ASXL2: variants seen among roughly 807,000 people sequenced by gnomAD.
ASXL2 encodes the protein putative Polycomb group protein ASXL2.
A neutral mutation model predicts 122.0 loss-of-function variants in ASXL2; 23 were observed. That is an observed-to-expected ratio of 0.19 (90% CI 0.14 to 0.27). ASXL2 has a LOEUF of 0.27. ASXL2 is among the 10% of genes least tolerant of loss of function. The pLI is 1.00. For missense variants in ASXL2, 1,518 were observed against 1,713.8 expected (o/e 0.89, Z 2.02); for synonymous variants, 650 against 637.0 (o/e 1.02, Z -0.31).
chr2:25,777,686 A>G (rs569058946), intron 5 of ASXL2, among the ~76,000 whole-genome samples: 1 of 152,284 alleles, frequency 6.6e-6, no homozygotes, highest in South Asian at 2.1e-4. Context: ...CTTCAAAGAC[A>G]TATAATTTTA....
intron 3 of ASXL2, among the ~76,000 whole-genome samples, chr2:25,833,408 A>G (rs1284820658): frequency 6.6e-6 from 1 of 152,086 alleles, no homozygotes; most frequent in African/African-American, 2.4e-5. Context: ...AGAATGCTCA[A>G]TTTTGGCTGG....
intron 3 of ASXL2, among the ~76,000 whole-genome samples, chr2:25,825,269 T>C (rs557336998): frequency 3.9e-5 from 6 of 152,252 alleles, no homozygotes; most frequent in Non-Finnish European, 7.3e-5. Flanking sequence ...TTAGATTAAA[T>C]TGTGCCCCAT....
chr2:25,764,260 T>C (rs974075995), intron 8 of ASXL2, among the ~76,000 whole-genome samples: 2 of 152,186 alleles, frequency 1.3e-5, no homozygotes, highest in Non-Finnish European at 2.9e-5. Flanking sequence ...GGGACATTTT[T>C]CAAATTACCA....
intron 11 of ASXL2, among the ~76,000 whole-genome samples, chr2:25,752,634 A>T (rs1574396938): frequency 6.6e-6 from 1 of 152,140 alleles, no homozygotes; most frequent in East Asian, 1.9e-4. Flanking sequence ...GATCACCTGA[A>T]GTCAGGAGTT....
At chr2:25,828,272 G>A (rs1031118979) in intron 3 of ASXL2, among the ~76,000 whole-genome samples, 10 of 151,632 alleles carry the variant, frequency 6.6e-5, no homozygotes, top group South Asian at 2.1e-4. Flanking sequence ...TTGGGAGGCC[G>A]AGGCAGGTGG....
At chr2:25,842,774 G>C (rs1224213246) in intron 2 of ASXL2, among the ~76,000 whole-genome samples, 2 of 5,776 alleles carry the variant, frequency 3.5e-4, no homozygotes, top group African/African-American at 7.4e-4. Context: ...GTGCACGTGT[G>C]TGTGTGTGTG....
chr2:25,816,452 T>C (rs2089236088), intron 3 of ASXL2, among the ~76,000 whole-genome samples: 2 of 152,140 alleles, frequency 1.3e-5, no homozygotes, highest in Non-Finnish European at 1.5e-5. Context: ...AAGGCTTGAT[T>C]TGATCAATGA....
intron 1 of ASXL2, among the ~76,000 whole-genome samples, chr2:25,870,683 AAAG>A (rs1437959374): frequency 2.6e-5 from 4 of 152,190 alleles, no homozygotes; most frequent in East Asian, 1.9e-4. Context: ...CAAAAAAGAA[AAAG>A]AAGAAAAGAA....
Position 25,828,519 on chromosome 2 carries a change from AAT to A in ASXL2, c.143+7017_143+7018del, listed in dbSNP as rs1220766893. ...GCAAAACTCCATTTCAAAAAAAAAA[AAT>A]AAAAAGAAAAGATCCTTGTCCAGGC... On this transcript the variant is annotated intron_variant, in intron 3 of 12. Coordinates refer to ENST00000435504, the MANE Select transcript of ASXL2 (RefSeq NM_018263.6). 8.9e-5 allele frequency among the ~76,000 whole-genome samples: 12 copies of A among 134,342 alleles called. 3 individuals are homozygous for A. Among genetic ancestry groups the A allele is most frequent in the Non-Finnish European group, 1.7e-4 (10 of 60,130 alleles). 88.1% of individuals were successfully genotyped at this position (134,342 alleles called of 152,430 possible).
At chr2:25,817,713 G>A (rs535696482) in intron 3 of ASXL2, among the ~76,000 whole-genome samples, 1 of 152,184 alleles carries the variant, frequency 6.6e-6, no homozygotes, top group East Asian at 1.9e-4. Flanking sequence ...ACAAAAACTA[G>A]AACAGCAGGT....
At chr2:25,856,126 G>A (rs951997297) in intron 1 of ASXL2, among the ~76,000 whole-genome samples, 10 of 150,756 alleles carry the variant, frequency 6.6e-5, no homozygotes, top group Admixed American at 2.0e-4. Context: ...GTGCAATCTC[G>A]GGTCACTGCA....
intron 3 of ASXL2, among the ~76,000 whole-genome samples, chr2:25,811,191 T>C (rs2089165541): frequency 6.6e-6 from 1 of 151,550 alleles, no homozygotes; most frequent in Non-Finnish European, 1.5e-5. Flanking sequence ...AAGTTGAGGC[T>C]GCAGTGAGCC....
At chr2:25,770,469 T>C (rs896476307) in intron 6 of ASXL2, among the ~76,000 whole-genome samples, 1 of 152,138 alleles carries the variant, frequency 6.6e-6, no homozygotes, top group Non-Finnish European at 1.5e-5. Flanking sequence ...TATTAAAAAA[T>C]CTAGGCCAGG....
intron 4 of ASXL2, among the ~76,000 whole-genome samples, chr2:25,801,528 C>T (rs976410783): frequency 1.3e-5 from 2 of 152,146 alleles, no homozygotes; most frequent in Non-Finnish European, 2.9e-5. Flanking sequence ...TCTATTATTT[C>T]CTTCAAAATG....
At chr2:25,788,509 A>G (rs1291095727) in intron 5 of ASXL2, among the ~76,000 whole-genome samples, 1 of 152,192 alleles carries the variant, frequency 6.6e-6, no homozygotes, top group African/African-American at 2.4e-5. Flanking sequence ...TGGACAGACA[A>G]GCAGTTTTCC....
intron 10 of ASXL2, 107 bp downstream of exon 10, chr2:25,755,911 G>A: frequency 1.1e-6 from 1 of 936,772 alleles, no homozygotes. Context: ...CTATCCTATG[G>A]AAACATCCTG....
intron 5 of ASXL2, among the ~76,000 whole-genome samples, chr2:25,791,144 G>A (rs897543832): frequency 6.6e-6 from 1 of 151,870 alleles, no homozygotes; most frequent in Non-Finnish European, 1.5e-5. Context: ...AAATTTGGAA[G>A]AGTCATCAGT....
chr2:25,801,307 G>A (rs764549884), intron 4 of ASXL2, among the ~76,000 whole-genome samples: 92 of 152,058 alleles, frequency 6.1e-4, no homozygotes, highest in Non-Finnish European at 1.1e-3. Flanking sequence ...TTCCCACATC[G>A]TTTTAACAAT....
chr2:25,739,554 G>C lies in ASXL2; in HGVS notation c.*2475C>G, dbSNP rs1292439563. On this transcript the variant is annotated 3_prime_UTR_variant, in exon 13 of 13. Coordinates refer to ENST00000435504, the MANE Select transcript of ASXL2 (RefSeq NM_018263.6). Reference sequence around the variant, plus strand: ...TATCTAGTTGGCAATATCTGTTTTAGGAGTATTCCTAAATGCAAATATTTA... The same window carrying C: ...TATCTAGTTGGCAATATCTGTTTTACGAGTATTCCTAAATGCAAATATTTA... 5.2e-6 allele frequency: 1 copy of C among 192,310 alleles called. No individual in the cohort carries two copies. Among genetic ancestry groups the C allele is most frequent in the Non-Finnish European group, 1.1e-5 (1 of 92,122 alleles). 11.9% of individuals were successfully genotyped at this position (192,310 alleles called of 1,614,324 possible). A position where few individuals can be genotyped will look rare whatever the true frequency, so the allele number is the denominator to read the frequency against.
Sources: gnomAD v4.1 joint callset for allele counts (sites outside exome capture counted in the v4.1 genomes callset) on GRCh38, gnomAD v4.1.1 for gene constraint, MANE v1.5 for transcripts, NCBI Gene and HGNC (gene_info 2026-07-23, HGNC 2026-07-21) for gene names.